GSN: variants seen among roughly 807,000 people sequenced by gnomAD.
GSN encodes gelsolin.
GSN carries 56 observed loss-of-function variants against 85.7 expected under a neutral mutation model. The observed-to-expected ratio is 0.65, with a 90% CI of 0.53 to 0.82. The LOEUF is 0.82. Ranked by LOEUF, GSN falls within the 40% of genes least tolerant of loss-of-function variation. The pLI is 0.00. For missense variants in GSN, 857 were observed against 979.8 expected, an observed-to-expected ratio of 0.87 and a Z score of 1.67; for synonymous variants, 373 against 399.1, an observed-to-expected ratio of 0.93 and a Z score of 0.78.
intron 1 of GSN, chr9:121,280,029 C>T (rs1273656852): frequency 6.6e-6 from 1 of 152,256 alleles, no homozygotes; most frequent in African/African-American, 2.4e-5. Flanking sequence ...ATGCACAAGT[C>T]ATCAGGACTG....
chr9:121,304,119 G>T (rs1208157947), intron 4 of GSN, among the ~76,000 whole-genome samples: 1 of 152,230 alleles, frequency 6.6e-6, no homozygotes, highest in Non-Finnish European at 1.5e-5. Flanking sequence ...AGAAGTCACT[G>T]TTCCTCTCTG....
intron 4 of GSN, among the ~76,000 whole-genome samples, chr9:121,212,855 G>A (rs1474790939): frequency 2.6e-5 from 4 of 151,890 alleles, no homozygotes; most frequent in Admixed American, 2.0e-4. Context: ...CGCCATGTTG[G>A]CCAGGCTGGT....
chr9:121,212,979 C>T (rs1372758221), intron 4 of GSN, among the ~76,000 whole-genome samples: 1 of 152,006 alleles, frequency 6.6e-6, no homozygotes, highest in Non-Finnish European at 1.5e-5. Flanking sequence ...TTTTCCCGTC[C>T]AGAGATTGGA....
chr9:121,271,060 G>T (rs1418724081), intron 1 of GSN, among the ~76,000 whole-genome samples: 2 of 152,126 alleles, frequency 1.3e-5, no homozygotes, highest in Non-Finnish European at 2.9e-5. Flanking sequence ...ATGTTGGTTT[G>T]CATGATAATA....
chr9:121,286,277 A>G lies in GSN; in HGVS notation c.-10+4715A>G, dbSNP rs1286968778. ...AGGGAAAGTCCCGCTCCTGACTCCT[A>G]GTTCAACACCAGCCAGGCCCCCTGC... On this transcript the variant is annotated intron_variant, in intron 2 of 17. Coordinates refer to ENST00000432226, the MANE Select transcript of GSN (RefSeq NM_198252.3). The G allele has an allele frequency of 8.8e-6, 7 of 795,112 alleles. No homozygotes were observed. The Admixed American group carries it at 1.7e-4, about 19-fold the overall frequency. 49.3% of individuals were successfully genotyped at this position (795,112 alleles called of 1,614,324 possible).
chr9:121,214,285 C>CCTTCTTCCTCTTCCTCTT (rs968166353), intron 4 of GSN, among the ~76,000 whole-genome samples: 3 of 151,662 alleles, frequency 2.0e-5, no homozygotes, highest in African/African-American at 7.3e-5. Flanking sequence ...CTCTCCTCCT[C>CCTTCTTCCTCTTCCTCTT]CTTCTTCCTC....
At chr9:121,229,042 G>A (rs1428984105) in intron 4 of GSN, among the ~76,000 whole-genome samples, 1 of 152,144 alleles carries the variant, frequency 6.6e-6, no homozygotes, top group Non-Finnish European at 1.5e-5. Flanking sequence ...CAAAAGTAGT[G>A]TCTAAGAGCA....
chr9:121,246,145 G>A (rs867977533), intron 5 of GSN, among the ~76,000 whole-genome samples: 1 of 152,196 alleles, frequency 6.6e-6, no homozygotes, highest in Non-Finnish European at 1.5e-5. Flanking sequence ...ATGTGAACAC[G>A]TAGATGATTC....
At position 121,286,527 on chromosome 9, in the gene GSN, C is replaced by T. The variant is rs1330748913; in HGVS notation, c.-10+4965C>T. The T allele has an allele frequency of 7.6e-6, 10 of 1,322,254 alleles. No individual in the cohort carries two copies. The Admixed American group carries it at 8.5e-5, about 11-fold the overall frequency. The allele number at this position is 1,322,254 out of a possible 1,614,324, so 81.9% of individuals were successfully genotyped here. A position where few individuals can be genotyped will look rare whatever the true frequency, so the allele number is the denominator to read the frequency against. Reference sequence around the variant, plus strand: ...TCCCAAAAGGGAAACTCCATTTATCCTCCAAGGCTCTGCCCCAATGCCCCT... The same window carrying T: ...TCCCAAAAGGGAAACTCCATTTATCTTCCAAGGCTCTGCCCCAATGCCCCT... On this transcript the variant is annotated intron_variant, in intron 2 of 17. Coordinates refer to ENST00000432226, the MANE Select transcript of GSN (RefSeq NM_198252.3).
At chr9:121,298,559 G>A (rs2059433610) in intron 2 of GSN, among the ~76,000 whole-genome samples, 1 of 152,144 alleles carries the variant, frequency 6.6e-6, no homozygotes, top group South Asian at 2.1e-4. Flanking sequence ...CATTTACCTA[G>A]CTGCTGGCCA....
Position 121,318,888 on chromosome 9 carries a change from T to TA in GSN, c.1191+9dup. On this transcript the variant is annotated intron_variant, in intron 10 of 17. Coordinates refer to ENST00000432226, the MANE Select transcript of GSN (RefSeq NM_198252.3). This position sits in a 1 kb window ranked among gnomAD's most constrained non-coding sequence, Gnocchi z 4.3. ...GGCACAGGCCAGAAACAGGTACGTTTAGGGCGTGGGGTGGGTGTGTCCAGG... is the reference window on the plus strand; with the variant it reads ...GGCACAGGCCAGAAACAGGTACGTTTAAGGGCGTGGGGTGGGTGTGTCCAGG... 6.2e-7 allele frequency: 1 copy of TA among 1,609,920 alleles called. No homozygotes were observed. The highest frequency in any genetic ancestry group is 8.5e-7 in the Non-Finnish European group (1 of 1,176,482).
chr9:121,331,881 T>C (rs28440079), intron 17 of GSN: 12,657 of 192,256 alleles, frequency 0.066, 934 homozygotes, highest in Admixed American at 0.17. Flanking sequence ...TAGTGAAACC[T>C]CATCTCTAGA....
chr9:121,203,627 G>A (rs891286270), upstream of GSN, among the ~76,000 whole-genome samples: 3 of 152,190 alleles, frequency 2.0e-5, no homozygotes, highest in Admixed American at 2.0e-4. Context: ...AGATTTCACT[G>A]TAAAAGTGTG....
intron 5 of GSN, 133 bp from the exon 6 acceptor site, chr9:121,312,206 T>A (rs990543579): frequency 1.1e-6 from 1 of 880,728 alleles, no homozygotes; most frequent in Admixed American, 1.8e-5. Context: ...GTGTGCAGAC[T>A]GTGCCAGCCT....
chr9:121,222,629 G>C (rs1270520464), intron 4 of GSN, among the ~76,000 whole-genome samples: 1 of 152,194 alleles, frequency 6.6e-6, no homozygotes, highest in African/African-American at 2.4e-5. Context: ...CCTCTAGGGG[G>C]CGTATCTGAG....
Position 121,310,737 on chromosome 9 carries a change from G to A in GSN, c.405G>A (p.Val135=). 2 of 1,614,114 alleles carry A rather than the reference G, an allele frequency of 1.2e-6. No homozygotes were observed. The highest frequency in any genetic ancestry group is 1.6e-4 in the Middle Eastern group (1 of 6,062). The part of the protein sequence containing the change: ...FKHVVPNEVV[V]QRLFQVKGRR... ...ACGTGGTACCCAACGAGGTGGTGGT[G>A]CAGAGACTCTTCCAGGTCAAAGGGC... is the stretch of plus-strand genomic sequence containing the variant. Residue 135 remains valine, a synonymous_variant, in exon 5 of 18, where the codon GTG becomes GTA. Coordinates refer to ENST00000432226, the MANE Select transcript of GSN (RefSeq NM_198252.3).
intron 4 of GSN, among the ~76,000 whole-genome samples, chr9:121,305,570 A>G (rs564064205): frequency 1.2e-3 from 178 of 152,342 alleles, no homozygotes; most frequent in African/African-American, 3.9e-3. Context: ...GACCTGGTTC[A>G]GAGTAGACAT....
At chr9:121,287,073 G>A (rs1198121567) in intron 2 of GSN, among the ~76,000 whole-genome samples, 1 of 152,182 alleles carries the variant, frequency 6.6e-6, no homozygotes, top group Non-Finnish European at 1.5e-5. Flanking sequence ...AAGTCTTGGA[G>A]CCTCCGACTC....
chr9:121,209,084 T>C (rs969360087), intron 1 of GSN, among the ~76,000 whole-genome samples: 1 of 152,266 alleles, frequency 6.6e-6, no homozygotes, highest in African/African-American at 2.4e-5. Context: ...ATATTTTCTT[T>C]ATTAGTGATA....
Sources: allele counts gnomAD v4.1 joint callset (sites outside exome capture counted in the v4.1 genomes callset), GRCh38; gene constraint gnomAD v4.1.1; non-coding constraint Gnocchi (gnomAD v3.1); transcripts MANE v1.5; gene names NCBI Gene and HGNC (gene_info 2026-07-23, HGNC 2026-07-21).